GALK2: variants seen among roughly 807,000 people sequenced by gnomAD.
The protein encoded by GALK2 is N-acetylgalactosamine kinase.
A neutral mutation model predicts 52.4 loss-of-function variants in GALK2; 36 were observed. The observed-to-expected ratio is 0.69, with a 90% CI of 0.53 to 0.91. The LOEUF (loss-of-function observed/expected upper bound fraction) is 0.91. Ranked by LOEUF, GALK2 falls within the 40% of genes least tolerant of loss-of-function variation. The pLI is 0.00. For synonymous variants in GALK2, 176 were observed against 199.1 expected, an observed-to-expected ratio of 0.88 and a Z score of 0.98; for missense variants, 579 against 559.1, an observed-to-expected ratio of 1.04 and a Z score of -0.36.
chr15:49,329,643 A>C lies in GALK2; in HGVS notation c.*1484A>C. ...TTAGCAGAAAGGTAAATGCTTGAGA[A>C]AGCTTGAGTCAAATTTGTTAAAAGA... On this transcript the variant is annotated 3_prime_UTR_variant, in exon 10 of 10. Coordinates refer to ENST00000560031, the MANE Select transcript of GALK2 (RefSeq NM_002044.4). 1.0e-6 allele frequency: 1 copy of C among 984,606 alleles called. No homozygotes were observed. Among genetic ancestry groups the C allele is most frequent in the Non-Finnish European group, 1.2e-6 (1 of 829,134 alleles). The allele number at this position is 984,606 out of a possible 1,614,324, so 61.0% of individuals were successfully genotyped here.
chr15:49,240,646 A>G (rs2091049640), intron 5 of GALK2, among the ~76,000 whole-genome samples: 1 of 152,198 alleles, frequency 6.6e-6, no homozygotes, highest in Admixed American at 6.5e-5. Flanking sequence ...ATAAGCATGT[A>G]TTGGGTGGAG....
exon 1 of GALK2, chr15:49,155,849 G>A (rs1044514143): frequency 1.7e-5 from 15 of 887,780 alleles, no homozygotes; most frequent in Admixed American, 1.6e-4. Context: ...GCCGAAGGGC[G>A]TCGGAAACTG....
chr15:49,285,783 T>C (rs758012570), intron 7 of GALK2, among the ~76,000 whole-genome samples: 1 of 152,226 alleles, frequency 6.6e-6, no homozygotes, highest in African/African-American at 2.4e-5. Flanking sequence ...ATTCTTTAAA[T>C]AACAGCATGA....
chr15:49,263,981 T>G (rs1420030434), intron 5 of GALK2, among the ~76,000 whole-genome samples: 19 of 151,952 alleles, frequency 1.3e-4, no homozygotes, highest in Non-Finnish European at 2.6e-4. Context: ...AACCCGACCT[T>G]TCTCTCTAGC....
At chr15:49,304,511 C>A (rs759459102) in intron 8 of GALK2, among the ~76,000 whole-genome samples, 1 of 152,356 alleles carries the variant, frequency 6.6e-6, no homozygotes, top group Middle Eastern at 3.4e-3. Flanking sequence ...GTTAATTGCT[C>A]TCTGGCTCTT....
intron 7 of GALK2, among the ~76,000 whole-genome samples, chr15:49,288,596 G>A (rs981600312): frequency 2.0e-5 from 3 of 152,138 alleles, no homozygotes; most frequent in African/African-American, 4.8e-5. Context: ...CCAATTTCAC[G>A]CAGCCAGTTG....
chr15:49,240,821 T>C (rs1045745242), intron 5 of GALK2, among the ~76,000 whole-genome samples: 2 of 146,000 alleles, frequency 1.4e-5, no homozygotes, highest in Non-Finnish European at 3.0e-5. Flanking sequence ...ATCATCTTCA[T>C]AGCAGTGGGA....
chr15:49,305,296 T>C (rs548331692), intron 8 of GALK2, among the ~76,000 whole-genome samples: 1 of 152,342 alleles, frequency 6.6e-6, no homozygotes, highest in East Asian at 1.9e-4. Context: ...TTTAACCATA[T>C]GAGATCTCAT....
chr15:49,235,410 GTTTA>G (rs2090748212), intron 3 of GALK2, among the ~76,000 whole-genome samples: 2 of 151,894 alleles, frequency 1.3e-5, no homozygotes, highest in Admixed American at 6.6e-5. Flanking sequence ...TCATCATTTT[GTTTA>G]TTTGTTTTTT....
intron 2 of GALK2, among the ~76,000 whole-genome samples, chr15:49,207,130 G>A (rs1374895005): frequency 3.9e-5 from 6 of 152,122 alleles, no homozygotes; most frequent in Admixed American, 2.0e-4. Context: ...TTTATGTGGT[G>A]TATCACATTT....
At chr15:49,248,618 C>T (rs1269826481) in intron 5 of GALK2, among the ~76,000 whole-genome samples, 1 of 152,150 alleles carries the variant, frequency 6.6e-6, no homozygotes, top group Non-Finnish European at 1.5e-5. Flanking sequence ...AATACAAAAC[C>T]ATTCACGTAG....
chr15:49,352,868 C>A (rs2042451581), intron 3 of GALK2, among the ~76,000 whole-genome samples: 1 of 152,152 alleles, frequency 6.6e-6, no homozygotes, highest in African/African-American at 2.4e-5. Context: ...CCCATAATAT[C>A]CTCCTGGAAT....
At chr15:49,355,701 C>G (rs2043036556) in intron 3 of GALK2, among the ~76,000 whole-genome samples, 1 of 150,954 alleles carries the variant, frequency 6.6e-6, no homozygotes, top group Non-Finnish European at 1.5e-5. Context: ...CCCAATCTAG[C>G]AAGGCAGGCC....
At chr15:49,253,341 A>G (rs142349109) in intron 5 of GALK2, among the ~76,000 whole-genome samples, 1 of 144,552 alleles carries the variant, frequency 6.9e-6, no homozygotes, top group Non-Finnish European at 1.6e-5. Context: ...CTTGTCTACT[A>G]CAGGTGTGAC....
intron 4 of GALK2, 122 bp from the exon 5 acceptor site, chr15:49,239,096 AAGT>A: frequency 1.4e-6 from 1 of 719,314 alleles, no homozygotes; most frequent in Non-Finnish European, 2.3e-6. Context: ...TGAATTGCAT[AAGT>A]AGTTTCTATA....
chr15:49,305,484 AG>A (rs2035474141), intron 8 of GALK2, among the ~76,000 whole-genome samples: 1 of 152,228 alleles, frequency 6.6e-6, no homozygotes, highest in Non-Finnish European at 1.5e-5. Flanking sequence ...TTAGTCCATT[AG>A]GACTTCTCTA....
chr15:49,239,101 G>C (rs2090972711), intron 4 of GALK2, 120 bp from the exon 5 acceptor site: 1 of 768,678 alleles, frequency 1.3e-6, no homozygotes, highest in Non-Finnish European at 2.1e-6. Flanking sequence ...TGCATAAGTA[G>C]TTTCTATAAC....
At chr15:49,252,849 C>G (rs994024836) in intron 5 of GALK2, among the ~76,000 whole-genome samples, 1 of 144,418 alleles carries the variant, frequency 6.9e-6, no homozygotes, top group Non-Finnish European at 1.6e-5. Context: ...TTAAATCTTT[C>G]CTAATCTGAA....
At chr15:49,185,210 A>T (rs1295394121) in intron 1 of GALK2, among the ~76,000 whole-genome samples, 1 of 152,154 alleles carries the variant, frequency 6.6e-6, no homozygotes, top group African/African-American at 2.4e-5. Context: ...GCTCTTACTC[A>T]TAAGTAAGAA....
Sources: allele counts gnomAD v4.1 joint callset (sites outside exome capture counted in the v4.1 genomes callset), GRCh38; gene constraint gnomAD v4.1.1; transcripts MANE v1.5; gene names NCBI Gene and HGNC (gene_info 2026-07-23, HGNC 2026-07-21).